The following SLC25A13 variants were observed in gnomAD, a reference collection of about 807,000 sequenced individuals.
SLC25A13 encodes the protein solute carrier family 25 member 13.
SLC25A13 carries 70 observed loss-of-function variants against 85.5 expected under a neutral mutation model. That is an observed-to-expected ratio of 0.82 (90% CI 0.68 to 1.00). The LOEUF (loss-of-function observed/expected upper bound fraction) is 1.00, where lower values mean the gene tolerates loss of function less well. Ranked by LOEUF, SLC25A13 falls within the 50% of genes least tolerant of loss-of-function variation. The pLI, the probability that SLC25A13 is intolerant of heterozygous loss-of-function variation, is 0.00. For missense variants in SLC25A13, 765 were observed against 819.8 expected, an observed-to-expected ratio of 0.93 and a Z score of 0.82; for synonymous variants, 259 against 288.7, an observed-to-expected ratio of 0.90 and a Z score of 1.04.
chr7:96,147,495 A>C (rs1318449423), intron 13 of SLC25A13, among the ~76,000 whole-genome samples: 1 of 152,204 alleles, frequency 6.6e-6, no homozygotes, highest in Non-Finnish European at 1.5e-5. Flanking sequence ...ACTATAAGGG[A>C]AATTTTAAGC....
At chr7:96,123,028 TAC>T (rs1208673398) in intron 15 of SLC25A13, among the ~76,000 whole-genome samples, 1 of 152,188 alleles carries the variant, frequency 6.6e-6, no homozygotes, top group African/African-American at 2.4e-5. Flanking sequence ...GCTTTAAAGT[TAC>T]AGTGAGTTGG....
intron 14 of SLC25A13, among the ~76,000 whole-genome samples, chr7:96,132,302 T>C (rs541756768): frequency 3.9e-5 from 6 of 152,292 alleles, no homozygotes; most frequent in African/African-American, 1.4e-4. Context: ...AGACAAATTA[T>C]ACAGGTGGGG....
intron 4 of SLC25A13, among the ~76,000 whole-genome samples, chr7:96,222,469 C>T (rs1212209343): frequency 6.6e-6 from 1 of 152,168 alleles, no homozygotes; most frequent in African/African-American, 2.4e-5. Flanking sequence ...ATTTTTGAGA[C>T]AGAATATTGC....
rs775726518 is a variant in SLC25A13 at position 96,208,895 on chromosome 7, A to G, written c.411T>C (p.His137=). ...GGTGTCTTTTTCTTTCTTTTCCAAA[A>G]TGTAGTTGCACAAATTCTGAATCCC... ...FNWDSEFVQL[H]FGKERKRHLT... Residue 137 remains histidine (H), a synonymous_variant, in exon 5 of 18, where the codon CAT becomes CAC. Transcript: ENST00000265631. 1 of 1,614,108 alleles carries G rather than the reference A, an allele frequency of 6.2e-7. No homozygotes were observed. Among genetic ancestry groups the G allele is most frequent in the Non-Finnish European group, 8.5e-7 (1 of 1,180,004 alleles).
intron 4 of SLC25A13, among the ~76,000 whole-genome samples, chr7:96,216,734 G>A (rs1795914703): frequency 6.6e-6 from 1 of 152,114 alleles, no homozygotes; most frequent in Non-Finnish European, 1.5e-5. Context: ...AAGAGACAGT[G>A]GGGCCTACCA....
At chr7:96,292,528 C>A (rs1260610317) in intron 2 of SLC25A13, among the ~76,000 whole-genome samples, 1 of 152,164 alleles carries the variant, frequency 6.6e-6, no homozygotes, top group Admixed American at 6.6e-5. Flanking sequence ...ATTTAGAAAA[C>A]CCCATCGTCT....
At chr7:96,210,333 G>T (rs1795644112) in intron 4 of SLC25A13, among the ~76,000 whole-genome samples, 1 of 152,114 alleles carries the variant, frequency 6.6e-6, no homozygotes, top group Admixed American at 6.6e-5. Context: ...GGAAAAAAGA[G>T]ATAAGATATA....
intron 3 of SLC25A13, among the ~76,000 whole-genome samples, chr7:96,254,372 T>TG (rs1339595640): frequency 6.6e-6 from 1 of 152,234 alleles, no homozygotes; most frequent in East Asian, 1.9e-4. Flanking sequence ...ATTGGCTCCC[T>TG]GGTTCTCAGG....
rs76381989 is a variant in SLC25A13, at chr7:96,281,571, A to G, written c.70-4233T>C. On this transcript the variant is annotated intron_variant, in intron 2 of 17. Coordinates refer to ENST00000265631, the MANE Select transcript of SLC25A13 (RefSeq NM_014251.3). Reference sequence around the variant, plus strand: ...AACATACAGTGACCAGAATTCAGACAACTGGTTACCCTTGGTGGGTGCTGA... The same window carrying G: ...AACATACAGTGACCAGAATTCAGACGACTGGTTACCCTTGGTGGGTGCTGA... 5.8e-4 allele frequency among the ~76,000 whole-genome samples: 88 copies of G among 152,282 alleles called. 1 individual carries two copies. The East Asian group carries it at 0.016, about 28-fold the overall frequency.
chr7:96,228,389 G>A (rs544062703), intron 4 of SLC25A13, among the ~76,000 whole-genome samples: 2 of 152,274 alleles, frequency 1.3e-5, no homozygotes, highest in East Asian at 1.9e-4. Flanking sequence ...ATGGAAAAAT[G>A]TCATATAACC....
At chr7:96,321,899 G>C (rs1240762867) in intron 1 of SLC25A13, 43 bp downstream of exon 1, 6 of 1,523,170 alleles carry the variant, frequency 3.9e-6, no homozygotes, top group Non-Finnish European at 5.3e-6. Flanking sequence ...CCCCCAGGCT[G>C]ATCCGGCAGG....
intron 15 of SLC25A13, among the ~76,000 whole-genome samples, chr7:96,124,774 A>G (rs1584339134): frequency 1.3e-5 from 2 of 152,038 alleles, no homozygotes; most frequent in Middle Eastern, 3.2e-3. Context: ...CTGCCATCCT[A>G]TATTATGCTA....
chr7:96,295,567 C>G (rs1380766731), intron 2 of SLC25A13, among the ~76,000 whole-genome samples: 3 of 152,116 alleles, frequency 2.0e-5, no homozygotes, highest in African/African-American at 7.2e-5. Flanking sequence ...AACATAGACT[C>G]TATATTTCCC....
intron 14 of SLC25A13, among the ~76,000 whole-genome samples, chr7:96,132,486 A>G (rs1792076618): frequency 6.6e-6 from 1 of 152,220 alleles, no homozygotes; most frequent in South Asian, 2.1e-4. Flanking sequence ...CTAAAGCCTG[A>G]AATATTCACA....
intron 9 of SLC25A13, among the ~76,000 whole-genome samples, chr7:96,188,655 G>T (rs1355902001): frequency 6.6e-6 from 1 of 152,218 alleles, no homozygotes; most frequent in African/African-American, 2.4e-5. Flanking sequence ...AGCTGGGTAA[G>T]AGTTAAAGGA....
intron 11 of SLC25A13, among the ~76,000 whole-genome samples, chr7:96,181,992 G>A (rs1794436744): frequency 6.6e-6 from 1 of 152,144 alleles, no homozygotes; most frequent in African/African-American, 2.4e-5. Flanking sequence ...TCAGAAATAT[G>A]TCAGGTCTTT....
chr7:96,121,811 G>A, intron 16 of SLC25A13, 28 bp downstream of exon 16: 2 of 1,614,178 alleles, frequency 1.2e-6, no homozygotes, highest in Non-Finnish European at 1.7e-6. Flanking sequence ...ATACCAAAGA[G>A]TTAGTTAAGA....
intron 1 of SLC25A13, among the ~76,000 whole-genome samples, chr7:96,309,952 C>G (rs1799893084): frequency 6.6e-6 from 1 of 151,966 alleles, no homozygotes; most frequent in Non-Finnish European, 1.5e-5. Flanking sequence ...GACTGGTGTC[C>G]TTATACGAAG....
chr7:96,192,586 G>T (rs1344464934), intron 6 of SLC25A13, among the ~76,000 whole-genome samples: 1 of 152,028 alleles, frequency 6.6e-6, no homozygotes, highest in African/African-American at 2.4e-5. Flanking sequence ...GCTGTCACAT[G>T]TAACTCTGTG....
Sources: allele counts gnomAD v4.1 joint callset (sites outside exome capture counted in the v4.1 genomes callset), GRCh38; gene constraint gnomAD v4.1.1; transcripts MANE v1.5; gene names NCBI Gene and HGNC (gene_info 2026-07-23, HGNC 2026-07-21).